Variants in ANO6 observed in about 807,000 individuals in gnomAD.
The protein encoded by ANO6 is anoctamin 6, also known as anoctamin-6.
Under a neutral mutation model 117.5 loss-of-function variants are expected in ANO6, and 106 were observed. The observed-to-expected ratio is 0.90, with a 90% confidence interval of 0.77 to 1.06. ANO6 has a LOEUF of 1.06. Ranked by LOEUF, ANO6 falls within the 50% of genes least tolerant of loss-of-function variation. The pLI, the probability that ANO6 is intolerant of heterozygous loss-of-function variation, is 0.00. For synonymous variants in ANO6, 367 were observed against 385.1 expected (o/e 0.95, Z 0.55); for missense variants, 955 against 1,121.1 (o/e 0.85, Z 2.12).
chr12:45,309,974 C>T (rs1939796933), intron 2 of ANO6, among the ~76,000 whole-genome samples: 1 of 152,088 alleles, frequency 6.6e-6, no homozygotes, highest in African/African-American at 2.4e-5. Context: ...GTAAGAATTG[C>T]TAAATTGGCC....
intron 9 of ANO6, among the ~76,000 whole-genome samples, chr12:45,368,637 G>A (rs1406191536): frequency 1.3e-5 from 2 of 152,104 alleles, no homozygotes; most frequent in African/African-American, 4.8e-5. Flanking sequence ...ACAGATAGAT[G>A]GTCAGCTTAT....
rs528611338 is a variant in ANO6 at position 45,216,221 on chromosome 12, G to T, written c.-101G>T. 1.2e-4 allele frequency: 167 copies of T among 1,359,450 alleles called. No homozygotes were observed. In the African/African-American group the frequency reaches 2.0e-3, roughly 16 times the overall value. The allele number at this position is 1,359,450 out of a possible 1,614,324, so 84.2% of individuals were successfully genotyped here. A position where few individuals can be genotyped will look rare whatever the true frequency, so the allele number is the denominator to read the frequency against. Reference sequence around the variant, plus strand: ...CGGCCCCTGAGCCCAAGCGACACACGCCCCGCGGTCCCCGATCCGGCCCCT... The same window carrying T: ...CGGCCCCTGAGCCCAAGCGACACACTCCCCGCGGTCCCCGATCCGGCCCCT... On this transcript the variant is annotated 5_prime_UTR_variant, in exon 1 of 20. Coordinates refer to ENST00000320560, the MANE Select transcript of ANO6 (RefSeq NM_001025356.3).
At chr12:45,432,744 C>T (rs978685853), downstream of ANO6, among the ~76,000 whole-genome samples, 3 of 152,182 alleles carry the variant, frequency 2.0e-5, no homozygotes, top group East Asian at 3.9e-4. Context: ...CAATAGTGAC[C>T]GAGAGGACGT....
At chr12:45,355,913 C>T (rs890547931) in intron 7 of ANO6, among the ~76,000 whole-genome samples, 2 of 152,220 alleles carry the variant, frequency 1.3e-5, no homozygotes, top group South Asian at 4.1e-4. Context: ...CAGCTCCATA[C>T]TGAGCCTGAA....
chr12:45,227,893 C>T (rs970509536), intron 1 of ANO6, among the ~76,000 whole-genome samples: 6 of 152,202 alleles, frequency 3.9e-5, no homozygotes, highest in Non-Finnish European at 2.9e-5. Context: ...AAGAGCAAAG[C>T]GATAATTATT....
At position 45,331,391 on chromosome 12, in the gene ANO6, AC is replaced by A. The variant is rs778556960; in HGVS notation, c.249del (p.Asn84IlefsTer27). 8.1e-6 allele frequency: 13 copies of A among 1,607,970 alleles called. No individual in the cohort carries two copies. The highest frequency in any genetic ancestry group is 1.1e-5 in the Non-Finnish European group (13 of 1,177,056). On this transcript the variant is annotated frameshift_variant, in exon 3 of 20. Coordinates refer to ENST00000320560, the MANE Select transcript of ANO6 (RefSeq NM_001025356.3). LOFTEE classifies it high-confidence loss of function. ...LVYEDESRKE[T>X]NKKGTNEKQR... is the part of the protein sequence containing the mutation. ...ATATGAGGATGAAAGCAGAAAAGAG[AC>A]CAATAAAAAGGGTACAAATGAAAAA...
Position 45,390,454 on chromosome 12 carries a change from A to G in ANO6, c.1342A>G (p.Lys448Glu). 1 of 1,614,034 alleles carries G rather than the reference A, an allele frequency of 6.2e-7. No individual in the cohort carries two copies. Among genetic ancestry groups the G allele is most frequent in the Non-Finnish European group, 8.5e-7 (1 of 1,179,966 alleles). ...ACGCATTCCCTTTACTGCCTGGGGA[A>G]AATGTATACGGATAACCCTCTGTGC... is the stretch of plus-strand genomic sequence containing the variant. ...EERIPFTAWG[K>E]CIRITLCASA... The change falls in exon 12 of 20, where the codon AAA becomes GAA. Residue 448 changes from lysine (K) to glutamate (E), a missense_variant. Coordinates refer to ENST00000320560, the MANE Select transcript of ANO6 (RefSeq NM_001025356.3).
In ANO6 at chr12:45,432,232, ATTAAT is replaced by A. The variant is rs1943650043; in HGVS notation, c.*2922_*2926del. The A allele has an allele frequency of 1.0e-5, 10 of 953,550 alleles. No individual in the cohort carries two copies. The highest frequency in any genetic ancestry group is 5.1e-5 in the South Asian group (1 of 19,718). The allele number at this position is 953,550 out of a possible 1,614,324, so 59.1% of individuals were successfully genotyped here. On this transcript the variant is annotated 3_prime_UTR_variant, in exon 20 of 20. Transcript: ENST00000320560. ...TGTGGCATAAGATGTAAAGTTTGTA[ATTAAT>A]GTTAATTTCTGTGCATTTTAATATT...
intron 12 of ANO6, among the ~76,000 whole-genome samples, chr12:45,395,750 A>G (rs1011314989): frequency 1.3e-5 from 2 of 152,256 alleles, no homozygotes; most frequent in African/African-American, 4.8e-5. Flanking sequence ...CCACATGATT[A>G]TATCAATAGA....
chr12:45,307,049 T>C (rs1592943373), intron 2 of ANO6, among the ~76,000 whole-genome samples: 1 of 152,182 alleles, frequency 6.6e-6, no homozygotes, highest in South Asian at 2.1e-4. Flanking sequence ...TGGAGTAGAA[T>C]GAAAGATCGA....
chr12:45,255,818 G>GTTT (rs551517877), intron 1 of ANO6, among the ~76,000 whole-genome samples: 1 of 81,708 alleles, frequency 1.2e-5, no homozygotes, highest in Admixed American at 1.4e-4. Context: ...CTCCCTGGGT[G>GTTT]TTTTTTTTTT....
At position 45,245,427 on chromosome 12, in the gene ANO6, T is replaced by C. The variant is rs1244852445; in HGVS notation, c.70+29036T>C. On this transcript the variant is annotated intron_variant, in intron 1 of 19. Coordinates refer to ENST00000320560, the MANE Select transcript of ANO6 (RefSeq NM_001025356.3). ...TTAAAAAACAAAAAACTGATTTTTTTTTTTTTTTTTGTGGGGAGACCCTCA... is the reference window on the plus strand; with the variant it reads ...TTAAAAAACAAAAAACTGATTTTTTCTTTTTTTTTTGTGGGGAGACCCTCA... 6.6e-5 allele frequency among the ~76,000 whole-genome samples: 10 copies of C among 151,786 alleles called. No individual in the cohort carries two copies. The South Asian group carries it at 2.1e-3, about 32-fold the overall frequency.
At chr12:45,217,507 T>C (rs951511381) in intron 1 of ANO6, among the ~76,000 whole-genome samples, 2 of 152,238 alleles carry the variant, frequency 1.3e-5, no homozygotes, top group Non-Finnish European at 2.9e-5. Flanking sequence ...ACAAATCGAA[T>C]AGAGGAGATT....
intron 1 of ANO6, among the ~76,000 whole-genome samples, chr12:45,268,479 C>T (rs1010714136): frequency 2.6e-5 from 4 of 152,032 alleles, no homozygotes; most frequent in South Asian, 2.1e-4. Flanking sequence ...GAAATTGCAC[C>T]GCTGCATTCC....
At chr12:45,371,197 C>G (rs1172461843) in intron 9 of ANO6, among the ~76,000 whole-genome samples, 1 of 152,368 alleles carries the variant, frequency 6.6e-6, no homozygotes, top group African/African-American at 2.4e-5. Flanking sequence ...CCGCACCTGG[C>G]TCGGAGGGTC....
At chr12:45,287,061 G>T (rs971950758) in intron 1 of ANO6, among the ~76,000 whole-genome samples, 1 of 152,176 alleles carries the variant, frequency 6.6e-6, no homozygotes, top group Non-Finnish European at 1.5e-5. Context: ...CATGAACAAG[G>T]TGAGATCTCT....
At chr12:45,244,187 G>T (rs1947787438) in intron 1 of ANO6, among the ~76,000 whole-genome samples, 1 of 152,210 alleles carries the variant, frequency 6.6e-6, no homozygotes, top group East Asian at 1.9e-4. Context: ...CCTTATTTTT[G>T]TTGTAACCAA....
At chr12:45,259,567 C>T (rs545717057) in intron 1 of ANO6, among the ~76,000 whole-genome samples, 16 of 152,318 alleles carry the variant, frequency 1.1e-4, no homozygotes, top group African/African-American at 3.8e-4. Context: ...CTGCTGGAGC[C>T]ACGGAGGGCC....
In ANO6 at chr12:45,403,640, T is replaced by A. The variant is rs17095855; in HGVS notation, c.1880+104T>A. 49,180 of 925,788 alleles carry A rather than the reference T, an allele frequency of 0.053. 2,214 individuals are homozygous for A. The highest frequency in any genetic ancestry group is 0.16 in the East Asian group (6,491 of 39,730). The allele number at this position is 925,788 out of a possible 1,614,324, so 57.3% of individuals were successfully genotyped here. A position where few individuals can be genotyped will look rare whatever the true frequency, so the allele number is the denominator to read the frequency against. On this transcript the variant is annotated intron_variant, in intron 15 of 19. Coordinates refer to ENST00000320560, the MANE Select transcript of ANO6 (RefSeq NM_001025356.3). ...AGCCACATAGCCACATAGCTGCATG[T>A]CCACCTCTAAATGGATCAGAATCTG... is the stretch of plus-strand genomic sequence containing the variant.
Sources: allele counts gnomAD v4.1 joint callset (sites outside exome capture counted in the v4.1 genomes callset), GRCh38; gene constraint gnomAD v4.1.1; transcripts MANE v1.5; gene names NCBI Gene and HGNC (gene_info 2026-07-23, HGNC 2026-07-21).